Variants in DPT observed in about 807,000 individuals in gnomAD.
DPT encodes the protein dermatopontin.
Under a neutral mutation model 31.2 loss-of-function variants are expected in DPT, and 21 were observed. That is an observed-to-expected ratio of 0.67 (90% CI 0.48 to 0.97). The LOEUF is 0.97. Among genes scored for constraint, DPT ranks in the 50% least tolerant of loss-of-function variants. The pLI is 0.00. For missense variants in DPT, 262 were observed against 258.8 expected (o/e 1.01, Z -0.08); for synonymous variants, 91 against 86.9 (o/e 1.05, Z -0.26).
In DPT at chr1:168,696,460, C is replaced by T. The variant is rs2101896725; in HGVS notation, c.*89G>A. On this transcript the variant is annotated 3_prime_UTR_variant, in exon 4 of 4. Coordinates refer to ENST00000367817, the MANE Select transcript of DPT (RefSeq NM_001937.5). ...GAAGGAAAGAGAGCAGCAGAAACTT[C>T]TATAGGAGATCCAACTGATGTTAAC... The T allele has an allele frequency of 8.6e-6, 10 of 1,162,380 alleles. No individual in the cohort carries two copies. Among genetic ancestry groups the T allele is most frequent in the Non-Finnish European group, 1.2e-5 (10 of 811,926 alleles). The allele number at this position is 1,162,380 out of a possible 1,614,324, so 72.0% of individuals were successfully genotyped here. A position where few individuals can be genotyped will look rare whatever the true frequency, so the allele number is the denominator to read the frequency against.
rs545986264 is a variant in DPT at position 168,697,928 on chromosome 1, C to T, written c.540-1313G>A. On this transcript the variant is annotated intron_variant, in intron 3 of 3. Coordinates refer to ENST00000367817, the MANE Select transcript of DPT (RefSeq NM_001937.5). ...ATCTTAAGCCCAGAAGAACACGTGG[C>T]TGCCATGCCCTTTGCACAGTCCTGA... Among the ~76,000 whole-genome samples, 3 of 152,346 alleles carry T rather than the reference C, an allele frequency of 2.0e-5. No homozygotes were observed. In the East Asian group the frequency reaches 5.8e-4, roughly 29 times the overall value.
At chr1:168,704,534 G>A (rs1051491057) in intron 2 of DPT, among the ~76,000 whole-genome samples, 2 of 152,274 alleles carry the variant, frequency 1.3e-5, no homozygotes, top group African/African-American at 2.4e-5. Context: ...GCGACAGAGC[G>A]AGACTCCGTC....
chr1:168,721,056 A>G (rs1650102502), intron 1 of DPT, among the ~76,000 whole-genome samples: 1 of 152,224 alleles, frequency 6.6e-6, no homozygotes, highest in South Asian at 2.1e-4. Context: ...TGTAACTGAT[A>G]AGCAGACACT....
At chr1:168,700,775 C>T (rs1199132649) in intron 3 of DPT, among the ~76,000 whole-genome samples, 1 of 152,124 alleles carries the variant, frequency 6.6e-6, no homozygotes, top group East Asian at 1.9e-4. Context: ...CTCCCATTTT[C>T]CAGCCAAAAC....
At position 168,700,932 on chromosome 1, in the gene DPT, T is replaced by C. The variant is rs12063293; in HGVS notation, c.539+85A>G. On this transcript the variant is annotated intron_variant, in intron 3 of 3. Coordinates refer to ENST00000367817, the MANE Select transcript of DPT (RefSeq NM_001937.5). The stretch of plus-strand genomic sequence containing the variant: ...GGGTGTGTGTGTGTGTGTGTGTTTA[T>C]AAATTCCTGCAGGTAAAATCCTTGC... 7.5e-3 allele frequency: 6,168 copies of C among 827,838 alleles called. 273 individuals are homozygous for C. The African/African-American group carries it at 0.091, about 12-fold the overall frequency. 51.3% of individuals were successfully genotyped at this position (827,838 alleles called of 1,614,324 possible).
At position 168,714,133 on chromosome 1, in the gene DPT, A is replaced by G. The variant is rs146925370; in HGVS notation, c.431+88T>C. On this transcript the variant is annotated intron_variant, in intron 2 of 3. Transcript: ENST00000367817. ...GCGCTGCCTTCCAGGCTTGTGTGTG[A>G]CCCTCAAGCTTACCTGAAGCTAGAG... 4.2e-4 allele frequency: 660 copies of G among 1,569,446 alleles called. 1 individual carries two copies. In the African/African-American group the frequency reaches 8.1e-3, roughly 19 times the overall value.
chr1:168,718,716 T>C (rs1458785978), intron 1 of DPT, among the ~76,000 whole-genome samples: 1 of 152,202 alleles, frequency 6.6e-6, no homozygotes, highest in Non-Finnish European at 1.5e-5. Context: ...TCCTCATCTG[T>C]AAAATGGGCA....
intron 1 of DPT, among the ~76,000 whole-genome samples, chr1:168,720,113 C>T (rs1388085527): frequency 6.6e-6 from 1 of 152,012 alleles, no homozygotes; most frequent in Non-Finnish European, 1.5e-5. Flanking sequence ...GAGTTCTAGT[C>T]CTAGCCCTGA....
intron 3 of DPT, among the ~76,000 whole-genome samples, chr1:168,700,423 C>A (rs1649569058): frequency 6.6e-6 from 1 of 152,286 alleles, no homozygotes; most frequent in South Asian, 2.1e-4. Context: ...TGTGGTATAG[C>A]AGCCCAGACT....
At chr1:168,715,321 T>C (rs1252890954) in intron 1 of DPT, among the ~76,000 whole-genome samples, 1 of 152,218 alleles carries the variant, frequency 6.6e-6, no homozygotes, top group Non-Finnish European at 1.5e-5. Context: ...GCCCAATTCC[T>C]ATGGCGTCTT....
intron 2 of DPT, among the ~76,000 whole-genome samples, chr1:168,705,931 G>A (rs1475304549): frequency 6.6e-6 from 1 of 152,232 alleles, no homozygotes; most frequent in African/African-American, 2.4e-5. Flanking sequence ...TCTGCCTGCT[G>A]CCATCCACAT....
At chr1:168,706,390 T>TATAAGGAA (rs1649717026) in intron 2 of DPT, among the ~76,000 whole-genome samples, 1 of 152,234 alleles carries the variant, frequency 6.6e-6, no homozygotes, top group African/African-American at 2.4e-5. Context: ...CCAAGTAAGC[T>TATAAGGAA]ATAAGGAATG....
intron 2 of DPT, among the ~76,000 whole-genome samples, chr1:168,704,674 G>A (rs1483687046): frequency 1.3e-5 from 2 of 152,208 alleles, no homozygotes; most frequent in Non-Finnish European, 2.9e-5. Context: ...CACTTTTTCT[G>A]CTGTCAAGAT....
chr1:168,699,601 A>T (rs550575941), intron 3 of DPT, among the ~76,000 whole-genome samples: 51 of 148,774 alleles, frequency 3.4e-4, no homozygotes, highest in African/African-American at 1.2e-3. Flanking sequence ...TTTTTTTTTA[A>T]AAAAAAAAAG....
chr1:168,700,895 G>A, intron 3 of DPT, 122 bp downstream of exon 3: 1 of 503,774 alleles, frequency 2.0e-6, no homozygotes, highest in South Asian at 2.7e-5. Context: ...TTCTACGTGT[G>A]TGTGTGTGTG....
chr1:168,717,211 C>T (rs934567720), intron 1 of DPT, among the ~76,000 whole-genome samples: 5 of 152,220 alleles, frequency 3.3e-5, no homozygotes, highest in African/African-American at 9.6e-5. Flanking sequence ...GCCTCGCCAG[C>T]ATCTGTTGGT....
intron 2 of DPT, among the ~76,000 whole-genome samples, chr1:168,707,289 G>T (rs1196948358): frequency 6.6e-6 from 1 of 152,048 alleles, no homozygotes; most frequent in South Asian, 2.1e-4. Context: ...CTCACCCAAA[G>T]CCTATGAATT....
chr1:168,701,161 C>A lies in DPT; in HGVS notation c.432-37G>T, dbSNP rs571837136. 4 of 1,475,002 alleles carry A rather than the reference C, an allele frequency of 2.7e-6. No homozygotes were observed. In the South Asian group the frequency reaches 4.5e-5, roughly 17 times the overall value. The allele number at this position is 1,475,002 out of a possible 1,614,324, so 91.4% of individuals were successfully genotyped here. The stretch of plus-strand genomic sequence containing the variant: ...GAACAAAGGTTAGAGGAAAATGAAA[C>A]ACATTATTATTGCTGGGAGCAAACA... On this transcript the variant is annotated intron_variant, in intron 2 of 3. Transcript: ENST00000367817.
chr1:168,718,399 C>T (rs1650033168), intron 1 of DPT, among the ~76,000 whole-genome samples: 2 of 152,254 alleles, frequency 1.3e-5, no homozygotes, highest in Non-Finnish European at 2.9e-5. Context: ...TAACTCTGCC[C>T]TGTGAAGATT....
Sources: gnomAD v4.1 joint callset for allele counts (sites outside exome capture counted in the v4.1 genomes callset) on GRCh38, gnomAD v4.1.1 for gene constraint, MANE v1.5 for transcripts, NCBI Gene and HGNC (gene_info 2026-07-23, HGNC 2026-07-21) for gene names.